PARP1: variants seen among roughly 807,000 people sequenced by gnomAD.
The protein encoded by PARP1 is poly [ADP-ribose] polymerase 1.
PARP1 carries 44 observed loss-of-function variants against 118.7 expected under a neutral mutation model. That is an observed-to-expected ratio of 0.37 (90% CI 0.29 to 0.48). The LOEUF (loss-of-function observed/expected upper bound fraction) is 0.48, where lower values mean the gene tolerates loss of function less well. Among genes scored for constraint, PARP1 ranks in the 20% least tolerant of loss-of-function variants. The probability of loss-of-function intolerance (pLI) is 0.99; values close to 1 mark genes in which losing one functional copy is unlikely to be tolerated. For missense variants in PARP1, 1,100 were observed against 1,272.4 expected (o/e 0.86, Z 2.06); for synonymous variants, 492 against 483.2 (o/e 1.02, Z -0.24).
rs1664305996 is a variant in PARP1, at chr1:226,368,058, A to G, written c.2277+141T>C. On this transcript the variant is annotated intron_variant, in intron 16 of 22. Coordinates refer to ENST00000366794, the MANE Select transcript of PARP1 (RefSeq NM_001618.4). ...TCTGCCTCCATCAATGTGGGTAGAAACCCAACTTCAAAACAAGGGCAAGAG... is the reference window on the plus strand; with the variant it reads ...TCTGCCTCCATCAATGTGGGTAGAAGCCCAACTTCAAAACAAGGGCAAGAG... The G allele has an allele frequency of 5.9e-6, 7 of 1,186,016 alleles. No homozygotes were observed. In the East Asian group the frequency reaches 1.6e-4, roughly 28 times the overall value. 73.5% of individuals were successfully genotyped at this position (1,186,016 alleles called of 1,614,324 possible).
chr1:226,392,734 G>C, intron 2 of PARP1: 1 of 562,780 alleles, frequency 1.8e-6, no homozygotes, highest in African/African-American at 1.9e-5. Flanking sequence ...GAAATATTTT[G>C]ATATAAGTCA....
chr1:226,408,082 T>A lies in PARP1; in HGVS notation c.-153A>T. The A allele has an allele frequency of 8.8e-7, 1 of 1,135,172 alleles. No homozygotes were observed. The allele number at this position is 1,135,172 out of a possible 1,614,324, so 70.3% of individuals were successfully genotyped here. ...CGCCGCACCGGCCACCGCCGTTCCC[T>A]GATAGATTGCTGATGCCTGGCCGCG... is the stretch of plus-strand genomic sequence containing the variant. On this transcript the variant is annotated 5_prime_UTR_variant, in exon 1 of 23. Coordinates refer to ENST00000366794, the MANE Select transcript of PARP1 (RefSeq NM_001618.4).
chr1:226,401,201 G>C (rs1053720492), intron 2 of PARP1, among the ~76,000 whole-genome samples: 1 of 152,228 alleles, frequency 6.6e-6, no homozygotes, highest in Non-Finnish European at 1.5e-5. Flanking sequence ...CTGATGCAGG[G>C]CAGGCCAGCC....
chr1:226,389,858 A>G (rs536894155), intron 4 of PARP1, among the ~76,000 whole-genome samples: 1 of 152,290 alleles, frequency 6.6e-6, no homozygotes, highest in Non-Finnish European at 1.5e-5. Context: ...GGACCAGCAG[A>G]GGGTAAACTG....
chr1:226,381,692 C>T (rs189683054), intron 8 of PARP1, among the ~76,000 whole-genome samples: 9 of 152,316 alleles, frequency 5.9e-5, no homozygotes, highest in East Asian at 3.9e-4. Flanking sequence ...CACAATCACA[C>T]GGAGCTGAGC....
chr1:226,390,686 G>A (rs989232250), intron 3 of PARP1, 62 bp from the exon 4 acceptor site: 11 of 1,471,656 alleles, frequency 7.5e-6, no homozygotes, highest in African/African-American at 1.4e-5. Flanking sequence ...AACATGATAC[G>A]GGCAGCCTGT....
At chr1:226,363,032 C>G in intron 21 of PARP1, 67 bp downstream of exon 21, 2 of 1,119,904 alleles carry the variant, frequency 1.8e-6, no homozygotes, top group Non-Finnish European at 2.7e-6. Flanking sequence ...CTCAGGACAG[C>G]AAGCCCCCGG....
At chr1:226,362,268 C>T in intron 21 of PARP1, 185 bp from the exon 22 acceptor site, 1 of 558,450 alleles carries the variant, frequency 1.8e-6, no homozygotes, top group Non-Finnish European at 3.2e-6. Flanking sequence ...TCAGTGCAAC[C>T]TCCGCCTCCC....
intron 4 of PARP1, 31 bp from the exon 5 acceptor site, chr1:226,388,786 C>T: frequency 6.5e-7 from 1 of 1,548,330 alleles, no homozygotes; most frequent in East Asian, 2.2e-5. Flanking sequence ...GAGAGACAGC[C>T]AGAGCCATTA....
intron 2 of PARP1, among the ~76,000 whole-genome samples, chr1:226,397,263 G>C (rs975753994): frequency 1.3e-5 from 2 of 152,086 alleles, no homozygotes; most frequent in African/African-American, 4.8e-5. Flanking sequence ...AGAAACTGCA[G>C]TGAGCTAAGA....
At chr1:226,386,174 T>A (rs981199544) in intron 6 of PARP1, 152 bp downstream of exon 6, 26 of 688,712 alleles carry the variant, frequency 3.8e-5, no homozygotes, top group Non-Finnish European at 6.7e-5. Context: ...ATGGTGGTGA[T>A]GACCGTGCAA....
At chr1:226,377,663 C>T (rs1214308744) in intron 12 of PARP1, among the ~76,000 whole-genome samples, 1 of 152,096 alleles carries the variant, frequency 6.6e-6, no homozygotes, top group Admixed American at 6.6e-5. Flanking sequence ...AAGGAGTCAA[C>T]CCTTACAGCT....
intron 2 of PARP1, among the ~76,000 whole-genome samples, chr1:226,399,652 C>T (rs1255887029): frequency 1.3e-5 from 2 of 152,074 alleles, no homozygotes; most frequent in South Asian, 2.1e-4. Context: ...AGAGTGAGCC[C>T]TCATGTAAAC....
chr1:226,387,865 T>A (rs1298194045), intron 5 of PARP1, among the ~76,000 whole-genome samples: 6 of 152,254 alleles, frequency 3.9e-5, no homozygotes, highest in Admixed American at 3.9e-4. Flanking sequence ...TTTTGGTGCA[T>A]GACAGACACT....
chr1:226,397,882 G>C (rs935454153), intron 2 of PARP1, among the ~76,000 whole-genome samples: 1 of 149,494 alleles, frequency 6.7e-6, no homozygotes, highest in African/African-American at 2.5e-5. Context: ...ACTGATCTTT[G>C]ACAAAAAAGT....
intron 14 of PARP1, among the ~76,000 whole-genome samples, chr1:226,372,404 G>A (rs113254998): frequency 0.02 from 3,049 of 152,322 alleles, 115 homozygotes; most frequent in African/African-American, 0.07. Flanking sequence ...GGGGGCCATG[G>A]CTCATGCCTG....
intron 1 of PARP1, among the ~76,000 whole-genome samples, chr1:226,406,045 T>G (rs1576405551): frequency 6.6e-6 from 1 of 152,196 alleles, no homozygotes; most frequent in East Asian, 1.9e-4. Context: ...CCGTGAGCTT[T>G]TAAGCATTAA....
chr1:226,368,895 C>A (rs1207376805), intron 15 of PARP1, among the ~76,000 whole-genome samples: 1 of 152,192 alleles, frequency 6.6e-6, no homozygotes, highest in African/African-American at 2.4e-5. Context: ...AAAAAATGCA[C>A]AGAGATGGAA....
rs767394876 is a variant in PARP1 at position 226,381,193 on chromosome 1, T to C, written c.1175A>G (p.Asn392Ser). The part of the protein sequence containing the change: ...SSASADKPLS[N>S]MKILTLGKLS... ...CTTCCCGAGAGTCAGGATCTTCATG[T>C]TGGATAATGGCTTATCTGGGATGAA... Residue 392 changes from asparagine to serine, a missense_variant, in exon 9 of 23, where the codon AAC becomes AGC. Coordinates refer to ENST00000366794, the MANE Select transcript of PARP1 (RefSeq NM_001618.4). 6.2e-6 allele frequency: 10 copies of C among 1,614,048 alleles called. No individual in the cohort carries two copies. Among genetic ancestry groups the C allele is most frequent in the Middle Eastern group, 3.3e-4 (2 of 6,084 alleles).
Sources: gnomAD v4.1 joint callset for allele counts (sites outside exome capture counted in the v4.1 genomes callset) on GRCh38, gnomAD v4.1.1 for gene constraint, MANE v1.5 for transcripts, NCBI Gene and HGNC (gene_info 2026-07-23, HGNC 2026-07-21) for gene names.